The following MSI2 variants were observed in gnomAD, a reference collection of about 807,000 sequenced individuals.
MSI2 encodes the protein RNA-binding protein Musashi homolog 2.
In MSI2, 17 loss-of-function variants were observed where a neutral mutation model predicts 45.6. The ratio of observed to expected loss-of-function variants is 0.37; its 90% confidence interval spans 0.26 to 0.56. MSI2 has a LOEUF of 0.56. Among genes scored for constraint, MSI2 ranks in the 20% least tolerant of loss-of-function variants. MSI2 has a pLI of 0.77. For missense variants in MSI2, 293 were observed against 444.2 expected, an observed-to-expected ratio of 0.66 and a Z score of 3.06; for synonymous variants, 156 against 158.2, an observed-to-expected ratio of 0.99 and a Z score of 0.11.
intron 6 of MSI2, among the ~76,000 whole-genome samples, chr17:57,442,562 T>C (rs1018031555): frequency 2.0e-5 from 3 of 151,606 alleles, no homozygotes; most frequent in Non-Finnish European, 4.4e-5. Context: ...CCGGAAGAAA[T>C]GGGTGTTTTG....
intron 6 of MSI2, among the ~76,000 whole-genome samples, chr17:57,458,601 G>C (rs1352425773): frequency 2.0e-5 from 3 of 152,146 alleles, no homozygotes; most frequent in African/African-American, 7.2e-5. Context: ...GGAACTGCTG[G>C]CTACATGGAT....
At chr17:57,308,367 A>G (rs1220091484) in intron 5 of MSI2, among the ~76,000 whole-genome samples, 1 of 152,196 alleles carries the variant, frequency 6.6e-6, no homozygotes, top group Non-Finnish European at 1.5e-5. Context: ...TCTAAATATC[A>G]AGCTTTTTCA....
chr17:57,617,056 T>A (rs1202476211), intron 9 of MSI2, among the ~76,000 whole-genome samples: 1 of 152,254 alleles, frequency 6.6e-6, no homozygotes, highest in Non-Finnish European at 1.5e-5. Context: ...TTTGCTGCTG[T>A]TTAAATCACT....
intron 5 of MSI2, among the ~76,000 whole-genome samples, chr17:57,395,730 G>A (rs2083876275): frequency 6.6e-6 from 1 of 152,234 alleles, no homozygotes; most frequent in South Asian, 2.1e-4. Context: ...ACTGATAGGA[G>A]AAGACTGCCA....
chr17:57,457,669 A>G (rs1407062335), intron 6 of MSI2, among the ~76,000 whole-genome samples: 1 of 152,156 alleles, frequency 6.6e-6, no homozygotes, highest in Non-Finnish European at 1.5e-5. Flanking sequence ...CTGAGGCAGG[A>G]GGATCACTTG....
chr17:57,438,204 G>T (rs555743850), intron 6 of MSI2, among the ~76,000 whole-genome samples: 26 of 152,270 alleles, frequency 1.7e-4, no homozygotes, highest in South Asian at 1.0e-3. Flanking sequence ...AGAGGAGTAG[G>T]GTGTGCGGAA....
chr17:57,293,645 G>C (rs569583084), intron 5 of MSI2, among the ~76,000 whole-genome samples: 2 of 118,998 alleles, frequency 1.7e-5, no homozygotes, highest in African/African-American at 6.1e-5. Flanking sequence ...TTTTGCTCTT[G>C]TTGCCCAGGC....
At chr17:57,447,003 G>A (rs2084912497) in intron 6 of MSI2, among the ~76,000 whole-genome samples, 2 of 152,226 alleles carry the variant, frequency 1.3e-5, no homozygotes, top group South Asian at 2.1e-4. Flanking sequence ...TCCATGCGCT[G>A]CAAAGAGATT....
intron 5 of MSI2, among the ~76,000 whole-genome samples, chr17:57,288,034 G>T (rs1009703850): frequency 1.3e-5 from 2 of 152,136 alleles, no homozygotes; most frequent in African/African-American, 4.8e-5. Context: ...TCTGGGGTGG[G>T]ATGTTTGGGA....
intron 5 of MSI2, chr17:57,262,554 G>T (rs992292732): frequency 3.7e-5 from 7 of 191,564 alleles, no homozygotes; most frequent in Admixed American, 3.0e-4. Context: ...ACTCTTTGAG[G>T]CTTTACAACT....
At chr17:57,613,748 G>A (rs974632518) in intron 8 of MSI2, among the ~76,000 whole-genome samples, 1 of 152,110 alleles carries the variant, frequency 6.6e-6, no homozygotes, top group East Asian at 1.9e-4. Context: ...GTCTACTCCT[G>A]TCTTTTACCC....
intron 6 of MSI2, among the ~76,000 whole-genome samples, chr17:57,455,069 C>A (rs148872848): frequency 6.6e-6 from 1 of 152,198 alleles, no homozygotes; most frequent in African/African-American, 2.4e-5. Flanking sequence ...TCTTACAGAG[C>A]GCCTAGCTCT....
chr17:57,663,635 GAC>G (rs1912164420), intron 11 of MSI2, among the ~76,000 whole-genome samples: 2 of 152,330 alleles, frequency 1.3e-5, no homozygotes, highest in Admixed American at 1.3e-4. Flanking sequence ...AGAAAAGACA[GAC>G]ACACAGCAGC....
chr17:57,601,550 G>A (rs1166659476), intron 8 of MSI2: 1 of 152,526 alleles, frequency 6.6e-6, no homozygotes, highest in Non-Finnish European at 1.5e-5. Context: ...CAGCCTTCAA[G>A]CGGCCTCCTG....
At chr17:57,426,020 T>C (rs2084485333) in intron 6 of MSI2, among the ~76,000 whole-genome samples, 1 of 152,242 alleles carries the variant, frequency 6.6e-6, no homozygotes, top group African/African-American at 2.4e-5. Context: ...GACTTTTAAA[T>C]ACTTGTTACA....
chr17:57,427,934 A>G (rs1030053557), intron 6 of MSI2, among the ~76,000 whole-genome samples: 10 of 152,132 alleles, frequency 6.6e-5, no homozygotes, highest in African/African-American at 2.2e-4. Context: ...TCTTTAATAT[A>G]TATTGACATA....
At chr17:57,514,689 T>C (rs2143964597) in intron 6 of MSI2, among the ~76,000 whole-genome samples, 1 of 151,934 alleles carries the variant, frequency 6.6e-6, no homozygotes, top group Non-Finnish European at 1.5e-5. Flanking sequence ...AGATATGGGT[T>C]TTTCCCTCTC....
chr17:57,585,506 C>A (rs1231062419), intron 7 of MSI2, among the ~76,000 whole-genome samples: 1 of 151,890 alleles, frequency 6.6e-6, no homozygotes, highest in Non-Finnish European at 1.5e-5. Context: ...GTGCTAGAGC[C>A]AGGATTTAAG....
Position 57,679,539 on chromosome 17 carries a change from T to C in MSI2, c.*32-10T>C, listed in dbSNP as rs1270748050. The C allele has an allele frequency of 9.5e-7, 1 of 1,054,736 alleles. No homozygotes were observed. Among genetic ancestry groups the C allele is most frequent in the African/African-American group, 1.7e-5 (1 of 60,498 alleles). The allele number at this position is 1,054,736 out of a possible 1,614,324, so 65.3% of individuals were successfully genotyped here. On this transcript the variant is annotated splice_polypyrimidine_tract_variant and intron_variant, in intron 13 of 13. Coordinates refer to ENST00000284073, the MANE Select transcript of MSI2 (RefSeq NM_138962.4). ...TTCTTCTGGACATCCTGGCCTTCCC[T>C]GCCCTGCAGAGCATACCTGGATGTC...
Sources: gnomAD v4.1 joint callset for allele counts (sites outside exome capture counted in the v4.1 genomes callset) on GRCh38, gnomAD v4.1.1 for gene constraint, MANE v1.5 for transcripts, NCBI Gene and HGNC (gene_info 2026-07-23, HGNC 2026-07-21) for gene names.